MYZAP: variants seen among roughly 807,000 people sequenced by gnomAD.
MYZAP encodes the protein myocardial zonula adherens protein, also known as GRINL1A complex locus upstream.
MYZAP carries 66 observed loss-of-function variants against 69.4 expected under a neutral mutation model. The ratio of observed to expected loss-of-function variants is 0.95; its 90% confidence interval spans 0.78 to 1.17. The LOEUF is 1.17. MYZAP is among the 50% of genes most tolerant of loss of function. The probability of loss-of-function intolerance (pLI) is 0.00; values close to 1 mark genes in which losing one functional copy is unlikely to be tolerated. For synonymous variants in MYZAP, 256 were observed against 205.9 expected (o/e 1.24, Z -2.09); for missense variants, 611 against 556.2 (o/e 1.10, Z -0.99).
At chr15:57,618,522 A>G (rs2035616064) in intron 3 of MYZAP, among the ~76,000 whole-genome samples, 1 of 152,176 alleles carries the variant, frequency 6.6e-6, no homozygotes, top group Non-Finnish European at 1.5e-5. Context: ...ATCCCTGGCA[A>G]GAGGAATAGG....
intron 1 of MYZAP, 78 bp from the exon 2 acceptor site, chr15:57,604,191 T>G (rs2034592196): frequency 6.9e-7 from 1 of 1,453,132 alleles, no homozygotes; most frequent in African/African-American, 1.4e-5. Context: ...AAATGGGCTG[T>G]GAGAAGCCCA....
chr15:57,684,355 G>T (rs145878663), intron 12 of MYZAP, 47 bp from the exon 13 acceptor site: 11 of 1,274,998 alleles, frequency 8.6e-6, no homozygotes, highest in Non-Finnish European at 1.3e-5. Context: ...CATATGGGGG[G>T]TTTTGTTTTG....
At chr15:57,603,029 C>G (rs140962618) in intron 1 of MYZAP, among the ~76,000 whole-genome samples, 113 of 152,308 alleles carry the variant, frequency 7.4e-4, no homozygotes, top group African/African-American at 2.6e-3. Flanking sequence ...TGTAGCTTCT[C>G]TCACTGAGTG....
Position 57,682,747 on chromosome 15 carries a change from G to A in MYZAP, c.1305-1655G>A, listed in dbSNP as rs138463459. Among the ~76,000 whole-genome samples, 66 of 152,194 alleles carry A rather than the reference G, an allele frequency of 4.3e-4. No homozygotes were observed. In the East Asian group the frequency reaches 6.6e-3, roughly 15 times the overall value. ...CCATTGTGAACTCTTTGTTCCAGTC[G>A]TTCCAAAGGAGCACATGGTTTGCAG... is the stretch of plus-strand genomic sequence containing the variant. On this transcript the variant is annotated intron_variant, in intron 12 of 12. Coordinates refer to ENST00000267853, the MANE Select transcript of MYZAP (RefSeq NM_001018100.5).
intron 11 of MYZAP, among the ~76,000 whole-genome samples, chr15:57,667,754 A>G (rs1457040294): frequency 6.6e-6 from 1 of 152,130 alleles, no homozygotes; most frequent in East Asian, 1.9e-4. Context: ...TACATAAATA[A>G]GTTTCTGTTA....
chr15:57,614,455 G>A (rs79865155), intron 2 of MYZAP, among the ~76,000 whole-genome samples: 9,912 of 152,316 alleles, frequency 0.065, 567 homozygotes, highest in East Asian at 0.32. Context: ...AAGACCTCAG[G>A]GGTCTGAAGG....
At chr15:57,612,325 C>T (rs12323998) in intron 2 of MYZAP, among the ~76,000 whole-genome samples, 13,891 of 152,124 alleles carry the variant, frequency 0.091, 775 homozygotes, top group Admixed American at 0.14. Context: ...GCTGGTGGGG[C>T]GGGGGACTGG....
At chr15:57,678,363 G>A (rs1348780660) in intron 12 of MYZAP, among the ~76,000 whole-genome samples, 5 of 152,050 alleles carry the variant, frequency 3.3e-5, no homozygotes, top group Admixed American at 6.6e-5. Flanking sequence ...ATGAGACCCC[G>A]TCTCAAATAA....
intron 11 of MYZAP, among the ~76,000 whole-genome samples, chr15:57,668,425 T>G (rs2038698307): frequency 6.6e-6 from 1 of 152,224 alleles, no homozygotes; most frequent in African/African-American, 2.4e-5. Flanking sequence ...TGTCTCCATA[T>G]CCTAACCCAG....
At chr15:57,631,308 C>T (rs937798078) in intron 6 of MYZAP, among the ~76,000 whole-genome samples, 1 of 152,078 alleles carries the variant, frequency 6.6e-6, no homozygotes, top group African/African-American at 2.4e-5. Context: ...CATCTGGGGA[C>T]ATCATTAGGC....
chr15:57,667,276 G>A (rs1297264638), intron 11 of MYZAP, among the ~76,000 whole-genome samples: 3 of 152,314 alleles, frequency 2.0e-5, no homozygotes, highest in Non-Finnish European at 4.4e-5. Context: ...TACAGCCCCC[G>A]AGCTGCCCAC....
chr15:57,607,498 T>C (rs1332107316), intron 2 of MYZAP, among the ~76,000 whole-genome samples: 1 of 152,096 alleles, frequency 6.6e-6, no homozygotes, highest in Non-Finnish European at 1.5e-5. Context: ...AGCCCTCATA[T>C]GCAAACCAAG....
chr15:57,621,817 C>A, intron 4 of MYZAP, 117 bp downstream of exon 4: 1 of 878,684 alleles, frequency 1.1e-6, no homozygotes, highest in East Asian at 3.0e-5. Flanking sequence ...AATAGAATTA[C>A]ATTTTAAATA....
chr15:57,594,247 C>G (rs549894116), intron 1 of MYZAP, among the ~76,000 whole-genome samples: 2 of 152,320 alleles, frequency 1.3e-5, no homozygotes, highest in Admixed American at 6.5e-5. Context: ...TTCCGAGTAG[C>G]TGGGACTACA....
chr15:57,596,613 G>C (rs1216185839), intron 1 of MYZAP, among the ~76,000 whole-genome samples: 1 of 152,048 alleles, frequency 6.6e-6, no homozygotes, highest in South Asian at 2.1e-4. Context: ...GCTAAATCTA[G>C]TCTCCTGACT....
Position 57,621,205 on chromosome 15 carries a change from C to CTTTT in MYZAP, c.319-390_319-387dup, listed in dbSNP as rs61201214. 5.3e-4 allele frequency among the ~76,000 whole-genome samples: 68 copies of CTTTT among 127,308 alleles called. 1 individual carries two copies. The highest frequency in any genetic ancestry group is 1.4e-3 in the African/African-American group (47 of 33,784). 83.5% of individuals were successfully genotyped at this position (127,308 alleles called of 152,430 possible). A position where few individuals can be genotyped will look rare whatever the true frequency, so the allele number is the denominator to read the frequency against. ...TTATGTGGGGTCCTTCTTTCTTTTT[C>CTTTT]TTTTTTTTTTTTTTTTGTTTTTTGA... On this transcript the variant is annotated intron_variant, in intron 3 of 12. Transcript: ENST00000267853.
chr15:57,663,933 A>G (rs1207863399), intron 11 of MYZAP, among the ~76,000 whole-genome samples: 5 of 152,206 alleles, frequency 3.3e-5, no homozygotes, highest in Non-Finnish European at 5.9e-5. Flanking sequence ...CACTTCACAC[A>G]TCCACCTTAA....
At chr15:57,681,192 C>T (rs2039422015) in intron 12 of MYZAP, among the ~76,000 whole-genome samples, 1 of 152,162 alleles carries the variant, frequency 6.6e-6, no homozygotes, top group Non-Finnish European at 1.5e-5. Flanking sequence ...GGAGTTGGCA[C>T]AAATAGCCAT....
chr15:57,591,944 C>A lies in MYZAP; in HGVS notation c.-91C>A, dbSNP rs1595837661. Reference sequence around the variant, plus strand: ...GAGGCTGCAAGTAGCCGGCGCCGTCCCGCGTCGCCCCCGCGCAGGGCGGGC... The same window carrying A: ...GAGGCTGCAAGTAGCCGGCGCCGTCACGCGTCGCCCCCGCGCAGGGCGGGC... On this transcript the variant is annotated 5_prime_UTR_variant, in exon 1 of 13. Transcript: ENST00000267853. The A allele has an allele frequency of 8.4e-7, 1 of 1,184,590 alleles. No homozygotes were observed. Among genetic ancestry groups the A allele is most frequent in the East Asian group, 3.5e-5 (1 of 28,974 alleles). The allele number at this position is 1,184,590 out of a possible 1,614,324, so 73.4% of individuals were successfully genotyped here. A position where few individuals can be genotyped will look rare whatever the true frequency, so the allele number is the denominator to read the frequency against.
Sources: allele counts gnomAD v4.1 joint callset (sites outside exome capture counted in the v4.1 genomes callset), GRCh38; gene constraint gnomAD v4.1.1; transcripts MANE v1.5; gene names NCBI Gene and HGNC (gene_info 2026-07-23, HGNC 2026-07-21).